The following ARHGEF3 variants were observed in gnomAD, a reference collection of about 807,000 sequenced individuals.
ARHGEF3 encodes Rho guanine nucleotide exchange factor 3.
Under a neutral mutation model 63.2 loss-of-function variants are expected in ARHGEF3, and 28 were observed. The ratio of observed to expected loss-of-function variants is 0.44; its 90% CI spans 0.33 to 0.61. The LOEUF (loss-of-function observed/expected upper bound fraction) is 0.61, where lower values mean the gene tolerates loss of function less well. ARHGEF3 is among the 20% of genes least tolerant of loss of function. The pLI, the probability that ARHGEF3 is intolerant of heterozygous loss-of-function variation, is 0.03. For missense variants in ARHGEF3, 533 were observed against 659.3 expected (o/e 0.81, Z 2.10); for synonymous variants, 266 against 254.2 (o/e 1.05, Z -0.44).
intron 3 of ARHGEF3, among the ~76,000 whole-genome samples, chr3:56,921,012 A>C (rs1028151195): frequency 5.4e-5 from 7 of 130,572 alleles, no homozygotes; most frequent in African/African-American, 1.8e-4. Context: ...CCGAGATTGC[A>C]CCACTGCACT....
intron 3 of ARHGEF3, among the ~76,000 whole-genome samples, chr3:56,903,069 T>C (rs1415574140): frequency 2.7e-5 from 4 of 148,046 alleles, no homozygotes; most frequent in Admixed American, 6.7e-5. Flanking sequence ...TCTCTAAACA[T>C]ACACACACAC....
intron 2 of ARHGEF3, among the ~76,000 whole-genome samples, chr3:57,014,054 G>T (rs879826620): frequency 6.6e-6 from 1 of 152,144 alleles, no homozygotes; most frequent in African/African-American, 2.4e-5. Context: ...AAGGTCTGGA[G>T]CTTCACTCTT....
At chr3:57,034,996 T>C (rs532512081) in intron 2 of ARHGEF3, 44 of 1,093,206 alleles carry the variant, frequency 4.0e-5, no homozygotes, top group African/African-American at 3.2e-5. Flanking sequence ...TACTGACTTA[T>C]GTAGGCTTAA....
In ARHGEF3 at chr3:56,922,796, T is replaced by C. The variant is rs543478972; in HGVS notation, c.129+36027A>G. On this transcript the variant is annotated intron_variant, in intron 3 of 12. Coordinates refer to the ARHGEF3 transcript ENST00000338458. ...CCTGGTAAGTCACTCTTAATTTCCT[T>C]GATCTTTAGTTTCCTTATCTGTAAA... Among the ~76,000 whole-genome samples the C allele has an allele frequency of 7.0e-4, 106 of 152,192 alleles. 2 individuals carry two copies. Among genetic ancestry groups the C allele is most frequent in the South Asian group, 5.6e-3 (27 of 4,830 alleles).
chr3:56,870,441 A>T (rs1156886134), intron 4 of ARHGEF3, among the ~76,000 whole-genome samples: 1 of 152,200 alleles, frequency 6.6e-6, no homozygotes, highest in Non-Finnish European at 1.5e-5. Flanking sequence ...GAGAGTAAAG[A>T]GATCAGTGAT....
intron 2 of ARHGEF3, among the ~76,000 whole-genome samples, chr3:56,967,910 T>A (rs1419597025): frequency 1.4e-5 from 1 of 70,484 alleles, no homozygotes. Flanking sequence ...TAATATATTA[T>A]ATATAATATA....
At chr3:56,908,882 T>C (rs9877057) in intron 3 of ARHGEF3, among the ~76,000 whole-genome samples, 142,197 of 152,246 alleles carry the variant, frequency 0.93, 66,787 homozygotes, top group Non-Finnish European at 0.99. Flanking sequence ...GAAGAGAAAT[T>C]ATTCTATCAT....
chr3:56,999,351 G>A (rs1485418447), intron 2 of ARHGEF3, among the ~76,000 whole-genome samples: 7 of 152,108 alleles, frequency 4.6e-5, no homozygotes, highest in Admixed American at 6.6e-5. Context: ...ACACCCGGAT[G>A]AGCTATTTTT....
At chr3:56,841,129 G>A (rs2039295390) in intron 4 of ARHGEF3, among the ~76,000 whole-genome samples, 1 of 152,110 alleles carries the variant, frequency 6.6e-6, no homozygotes, top group Non-Finnish European at 1.5e-5. Flanking sequence ...ATCAAGTTCA[G>A]GTCAAAACGG....
chr3:56,985,381 G>A (rs529803025), intron 2 of ARHGEF3, among the ~76,000 whole-genome samples: 10 of 152,292 alleles, frequency 6.6e-5, no homozygotes, highest in African/African-American at 1.4e-4. Flanking sequence ...GAGCCACCGC[G>A]CCCAGCCTTT....
At chr3:57,076,510 C>A (rs1706230003) in intron 1 of ARHGEF3, among the ~76,000 whole-genome samples, 1 of 152,130 alleles carries the variant, frequency 6.6e-6, no homozygotes, top group Non-Finnish European at 1.5e-5. Context: ...GGTTCTCTGC[C>A]CCCTCTCCTC....
rs1000184915 is a variant in ARHGEF3, at chr3:57,039,901, G to A, written c.-27-4725C>T. On this transcript the variant is annotated intron_variant, in intron 1 of 12. Coordinates refer to the ARHGEF3 transcript ENST00000338458. ...TGCAAAGTCCCTTTTTCCATGTAAGGTAACACAGTCCCAGGTATTACTGGT... is the reference window on the plus strand; with the variant it reads ...TGCAAAGTCCCTTTTTCCATGTAAGATAACACAGTCCCAGGTATTACTGGT... Among the ~76,000 whole-genome samples, 12 of 152,106 alleles carry A rather than the reference G, an allele frequency of 7.9e-5. 1 individual carries two copies. The highest frequency in any genetic ancestry group is 7.2e-4 in the Admixed American group (11 of 15,270).
rs188855432 is a variant in ARHGEF3, at chr3:56,730,506, T to C, written c.1229-884A>G. 1.4e-3 allele frequency among the ~76,000 whole-genome samples: 208 copies of C among 151,710 alleles called. 2 individuals are homozygous for C. The highest frequency in any genetic ancestry group is 7.1e-4 in the Non-Finnish European group (48 of 67,960). On this transcript the variant is annotated intron_variant, in intron 9 of 9. Coordinates refer to ENST00000296315, the MANE Select transcript of ARHGEF3 (RefSeq NM_019555.3). ...AATTCTCCTGTCTCAGCCTCCTGAG[T>C]AGCTGGGATTACAGGCATGCACCAC...
chr3:57,073,741 G>A, intron 1 of ARHGEF3: 2 of 1,614,188 alleles, frequency 1.2e-6, no homozygotes, highest in South Asian at 1.1e-5. Flanking sequence ...GAAAAGTCAG[G>A]AGACACCTGG....
chr3:56,749,682 G>A (rs1361944773), intron 6 of ARHGEF3, among the ~76,000 whole-genome samples: 1 of 152,174 alleles, frequency 6.6e-6, no homozygotes, highest in Non-Finnish European at 1.5e-5. Context: ...ATAATAAAAT[G>A]AAAGTCAAAA....
chr3:56,838,963 T>C (rs1369090833), intron 4 of ARHGEF3, among the ~76,000 whole-genome samples: 1 of 151,734 alleles, frequency 6.6e-6, no homozygotes, highest in Non-Finnish European at 1.5e-5. Context: ...GACCCCCCTA[T>C]CTCTACAAAA....
At chr3:57,072,697 C>G (rs1407866739) in intron 1 of ARHGEF3, among the ~76,000 whole-genome samples, 1 of 134,328 alleles carries the variant, frequency 7.4e-6, no homozygotes, top group Non-Finnish European at 1.6e-5. Flanking sequence ...AGCTGAGATA[C>G]CACCCTGGGC....
At chr3:56,798,903 A>C (rs1036069591) in intron 1 of ARHGEF3, among the ~76,000 whole-genome samples, 6 of 152,214 alleles carry the variant, frequency 3.9e-5, no homozygotes, top group Non-Finnish European at 2.9e-5. Flanking sequence ...TTAAAATTAA[A>C]CATTTGCCAA....
chr3:56,939,804 A>G (rs1699088180), intron 3 of ARHGEF3: 1 of 152,228 alleles, frequency 6.6e-6, no homozygotes, highest in African/African-American at 2.4e-5. Flanking sequence ...ACCTTTTATG[A>G]TAGGAGGACA....
Sources: gnomAD v4.1 joint callset for allele counts (sites outside exome capture counted in the v4.1 genomes callset) on GRCh38, gnomAD v4.1.1 for gene constraint, MANE v1.5 for transcripts, NCBI Gene and HGNC (gene_info 2026-07-23, HGNC 2026-07-21) for gene names.